VPS54: variants seen among roughly 807,000 people sequenced by gnomAD.
VPS54 encodes VPS54 subunit of GARP complex, also known as vacuolar protein sorting-associated protein 54.
A neutral mutation model predicts 121.5 loss-of-function variants in VPS54; 45 were observed. That is an observed-to-expected ratio of 0.37 (90% CI 0.29 to 0.47). The LOEUF (loss-of-function observed/expected upper bound fraction) is 0.47, where lower values mean the gene tolerates loss of function less well. VPS54 is among the 20% of genes least tolerant of loss of function. The pLI is 0.99. For missense variants in VPS54, 1,090 were observed against 1,131.4 expected (o/e 0.96, Z 0.52); for synonymous variants, 371 against 385.8 (o/e 0.96, Z 0.45).
At chr2:63,942,433 G>A (rs763285682) in intron 11 of VPS54, 32 bp downstream of exon 11, 2 of 1,440,258 alleles carry the variant, frequency 1.4e-6, no homozygotes, top group Non-Finnish European at 1.9e-6. Flanking sequence ...TAATTTTAGG[G>A]ATATTCTAGA....
intron 20 of VPS54, among the ~76,000 whole-genome samples, chr2:63,911,143 T>A (rs551390213): frequency 1.3e-5 from 2 of 152,318 alleles, no homozygotes; most frequent in South Asian, 4.1e-4. Flanking sequence ...TTACCGACTT[T>A]TGGTACACAG....
intron 20 of VPS54, among the ~76,000 whole-genome samples, chr2:63,908,842 G>A (rs1673014537): frequency 6.6e-6 from 1 of 152,142 alleles, no homozygotes; most frequent in African/African-American, 2.4e-5. Flanking sequence ...AGAAACTGAG[G>A]CTTAAGGAGA....
chr2:64,004,382 G>A (rs569718883), intron 1 of VPS54, among the ~76,000 whole-genome samples: 13 of 152,066 alleles, frequency 8.5e-5, no homozygotes, highest in South Asian at 4.1e-4. Context: ...TTCTCATGGC[G>A]CCTAAGTATT....
intron 12 of VPS54, among the ~76,000 whole-genome samples, chr2:63,922,974 T>A (rs1673713867): frequency 1.3e-5 from 2 of 151,102 alleles, no homozygotes; most frequent in South Asian, 4.2e-4. Flanking sequence ...AAGCCCAAAG[T>A]TAGTTTTTTA....
At chr2:63,984,103 C>T in intron 1 of VPS54, 84 bp from the exon 2 acceptor site, 1 of 1,277,794 alleles carries the variant, frequency 7.8e-7, no homozygotes, top group East Asian at 2.6e-5. Flanking sequence ...CTTTCAAAAG[C>T]AAAAGAATTT....
At chr2:63,991,596 C>A (rs111942017) in intron 1 of VPS54, among the ~76,000 whole-genome samples, 1 of 152,216 alleles carries the variant, frequency 6.6e-6, no homozygotes. Flanking sequence ...GCCGGCTCAA[C>A]AAACATGGCC....
At chr2:63,925,719 C>A (rs574106133) in intron 12 of VPS54, among the ~76,000 whole-genome samples, 22 of 152,108 alleles carry the variant, frequency 1.4e-4, no homozygotes, top group African/African-American at 5.1e-4. Flanking sequence ...TAATGCTGAA[C>A]GAAAGAAATC....
At chr2:63,906,916 A>G (rs1300470587) in intron 20 of VPS54, among the ~76,000 whole-genome samples, 2 of 152,216 alleles carry the variant, frequency 1.3e-5, no homozygotes, top group Non-Finnish European at 2.9e-5. Context: ...AAAAAGAACA[A>G]AATTAGTGAG....
intron 9 of VPS54, among the ~76,000 whole-genome samples, chr2:63,945,891 T>C (rs1559012263): frequency 6.6e-6 from 1 of 152,158 alleles, no homozygotes; most frequent in East Asian, 1.9e-4. Context: ...ACATACCAGT[T>C]TTTAGAAATT....
chr2:63,993,184 A>C (rs1340017152), intron 1 of VPS54, among the ~76,000 whole-genome samples: 1 of 152,198 alleles, frequency 6.6e-6, no homozygotes, highest in Non-Finnish European at 1.5e-5. Flanking sequence ...TTCAACCTCA[A>C]AAAGTTCAAA....
At chr2:63,933,568 C>A in intron 12 of VPS54, 105 bp downstream of exon 12, 1 of 1,076,382 alleles carries the variant, frequency 9.3e-7, no homozygotes. Context: ...TTGTTAAATT[C>A]TAAAATTTAC....
At chr2:63,932,671 AAAG>A (rs957616959) in intron 12 of VPS54, among the ~76,000 whole-genome samples, 1 of 151,994 alleles carries the variant, frequency 6.6e-6, no homozygotes, top group Non-Finnish European at 1.5e-5. Context: ...AAAAACAGAA[AAAG>A]AAGTAATAAT....
chr2:63,923,935 T>C (rs1673769320), intron 12 of VPS54, among the ~76,000 whole-genome samples: 1 of 152,224 alleles, frequency 6.6e-6, no homozygotes, highest in Admixed American at 6.5e-5. Flanking sequence ...ATGAAAGAAC[T>C]AGTTAGACTC....
At chr2:64,014,350 A>G (rs1422177963) in intron 1 of VPS54, among the ~76,000 whole-genome samples, 1 of 152,130 alleles carries the variant, frequency 6.6e-6, no homozygotes, top group East Asian at 1.9e-4. Flanking sequence ...TCTGAAGTAA[A>G]ATATATATAT....
At chr2:63,939,964 G>A (rs1381170587) in intron 11 of VPS54, among the ~76,000 whole-genome samples, 1 of 152,032 alleles carries the variant, frequency 6.6e-6, no homozygotes, top group East Asian at 1.9e-4. Flanking sequence ...CACCATATTG[G>A]CCAGGATGGT....
intron 1 of VPS54, among the ~76,000 whole-genome samples, chr2:64,016,610 ATTT>A (rs34383340): frequency 7.3e-5 from 10 of 137,094 alleles, no homozygotes; most frequent in Non-Finnish European, 6.4e-5. Flanking sequence ...TGAATTGTAT[ATTT>A]TTTTTTTTTT....
chr2:63,924,376 AAAAG>A (rs147929828), intron 12 of VPS54, among the ~76,000 whole-genome samples: 2,681 of 152,294 alleles, frequency 0.018, 34 homozygotes, highest in Non-Finnish European at 0.022. Context: ...CTTGTTTTTA[AAAAG>A]AAAGAATAAA....
intron 1 of VPS54, among the ~76,000 whole-genome samples, chr2:64,006,597 C>G (rs1678166914): frequency 6.6e-6 from 1 of 152,016 alleles, no homozygotes; most frequent in South Asian, 2.1e-4. Flanking sequence ...AGTAGACATT[C>G]AATAAATAAT....
At chr2:63,908,925 C>T (rs948171110) in intron 20 of VPS54, among the ~76,000 whole-genome samples, 1 of 152,204 alleles carries the variant, frequency 6.6e-6, no homozygotes, top group African/African-American at 2.4e-5. Flanking sequence ...GTCTACCTGA[C>T]TCCAAAACCC....
Sources: allele counts gnomAD v4.1 joint callset (sites outside exome capture counted in the v4.1 genomes callset), GRCh38; gene constraint gnomAD v4.1.1; transcripts MANE v1.5; gene names NCBI Gene and HGNC (gene_info 2026-07-23, HGNC 2026-07-21).